The following TTC7A variants were observed in gnomAD, a reference collection of about 807,000 sequenced individuals.
TTC7A encodes the protein tetratricopeptide repeat protein 7A.
Under a neutral mutation model 103.7 loss-of-function variants are expected in TTC7A, and 110 were observed. That is an observed-to-expected ratio of 1.06 (90% CI 0.91 to 1.24). TTC7A has a LOEUF of 1.24. TTC7A is among the 50% of genes most tolerant of loss of function. The pLI is 0.00. For synonymous variants in TTC7A, 521 were observed against 467.9 expected, an observed-to-expected ratio of 1.11 and a Z score of -1.47; for missense variants, 1,340 against 1,116.3, an observed-to-expected ratio of 1.20 and a Z score of -2.86.
At chr2:46,979,264 A>G (rs1357635019) in intron 5 of TTC7A, among the ~76,000 whole-genome samples, 1 of 152,156 alleles carries the variant, frequency 6.6e-6, no homozygotes, top group Admixed American at 6.6e-5. Context: ...GGTTTTGTCT[A>G]CTGTTGTCTG....
At position 46,941,417 on chromosome 2, in the gene TTC7A, C is replaced by A; in HGVS notation, c.-125C>A. On this transcript the variant is annotated 5_prime_UTR_variant, in exon 1 of 20. Coordinates refer to ENST00000319190, the MANE Select transcript of TTC7A (RefSeq NM_020458.4). This position sits in a 1 kb window ranked among gnomAD's most constrained non-coding sequence, Gnocchi z 4.2. ...TCCGCCGCCCGGGCCCCCGCTGCCG[C>A]CCGGGCCCCGGCTGCCGTCTGCGCC... 1 of 1,004,526 alleles carries A rather than the reference C, an allele frequency of 1.0e-6. No homozygotes were observed. The highest frequency in any genetic ancestry group is 1.3e-6 in the Non-Finnish European group (1 of 790,032). The allele number at this position is 1,004,526 out of a possible 1,614,324, so 62.2% of individuals were successfully genotyped here. A position where few individuals can be genotyped will look rare whatever the true frequency, so the allele number is the denominator to read the frequency against.
intron 8 of TTC7A, among the ~76,000 whole-genome samples, chr2:47,000,443 C>T (rs1048300452): frequency 1.3e-5 from 2 of 152,128 alleles, no homozygotes; most frequent in African/African-American, 2.4e-5. Flanking sequence ...GGTGGGAGAG[C>T]CTCTCTCTCT....
chr2:47,020,343 G>A (rs1011833814), intron 11 of TTC7A, among the ~76,000 whole-genome samples: 3 of 152,164 alleles, frequency 2.0e-5, no homozygotes, highest in Non-Finnish European at 4.4e-5. Context: ...CTGCTGCCAC[G>A]TGGCCTAGGA....
chr2:46,937,557 C>T (rs1194811623), upstream of TTC7A, among the ~76,000 whole-genome samples: 1 of 152,156 alleles, frequency 6.6e-6, no homozygotes, highest in Non-Finnish European at 1.5e-5. The surrounding 1 kb of genome is among the most constrained non-coding windows in gnomAD (Gnocchi z 4.0). Flanking sequence ...GCCTCAGAAG[C>T]AAAACATTGG....
Position 47,011,427 on chromosome 2 carries a change from C to A in TTC7A, c.1384C>A (p.Leu462Ile). ...GGCCGCGAAGGTCTGCATCGGGTCC[C>A]TTCGCTGGGTGAGTGAGCTGTGAGG... ...LMAAKVCIGS[L>I]RWLEEAEHFA... The change falls in exon 11 of 20, where the codon CTT becomes ATT. Residue 462 changes from leucine to isoleucine, a missense_variant. Leu to Ile is a conservative substitution (Grantham distance 5, BLOSUM62 2). Transcript: ENST00000319190. The A allele has an allele frequency of 6.2e-7, 1 of 1,605,908 alleles. No individual in the cohort carries two copies. The highest frequency in any genetic ancestry group is 1.1e-5 in the South Asian group (1 of 90,786).
At position 47,024,951 on chromosome 2, in the gene TTC7A, C is replaced by T. The variant is rs995092369; in HGVS notation, c.1641+592C>T. Among the ~76,000 whole-genome samples the T allele has an allele frequency of 6.6e-5, 10 of 152,312 alleles. No individual in the cohort carries two copies. In the East Asian group the frequency reaches 1.7e-3, roughly 26 times the overall value. On this transcript the variant is annotated intron_variant, in intron 14 of 19. Transcript: ENST00000319190. ...CTCCCCACCTCAGGTCCTTCAGAGC[C>T]TCCTTTACTTTCCTGTGGCGCCTCA...
intron 10 of TTC7A, among the ~76,000 whole-genome samples, chr2:47,010,310 C>T (rs949079066): frequency 6.6e-6 from 1 of 152,192 alleles, no homozygotes; most frequent in Non-Finnish European, 1.5e-5. Context: ...ATGTAATGCA[C>T]ATGGCTGTGT....
rs533385450 is a variant in TTC7A, at chr2:47,045,073, C to G, written c.1803-1242C>G. On this transcript the variant is annotated intron_variant, in intron 15 of 19. Transcript: ENST00000319190. ...TCCGGGCAGTGATCAAGTGCAGGCC[C>G]TGACAGTACCGTGGTCTTGCTCATC... Among the ~76,000 whole-genome samples the G allele has an allele frequency of 3.3e-4, 51 of 152,318 alleles. No homozygotes were observed. The South Asian group carries it at 0.01, about 31-fold the overall frequency.
At chr2:47,030,084 A>G (rs964611358) in intron 15 of TTC7A, among the ~76,000 whole-genome samples, 1 of 152,208 alleles carries the variant, frequency 6.6e-6, no homozygotes, top group Non-Finnish European at 1.5e-5. Flanking sequence ...ACTGAGTGTA[A>G]CAGGCTTTGT....
chr2:47,049,799 T>G, intron 16 of TTC7A, 150 bp from the exon 17 acceptor site: 1 of 630,384 alleles, frequency 1.6e-6, no homozygotes, highest in Non-Finnish European at 2.8e-6. Context: ...AGCTCTGTCT[T>G]TGGGCCTGAA....
At chr2:46,964,638 C>T (rs1355104050) in intron 3 of TTC7A, among the ~76,000 whole-genome samples, 2 of 152,182 alleles carry the variant, frequency 1.3e-5, no homozygotes, top group South Asian at 2.1e-4. Flanking sequence ...GGTAACAAAT[C>T]ACCCACTTTT....
At chr2:47,034,568 CCAAA>C (rs1420827012) in intron 15 of TTC7A, among the ~76,000 whole-genome samples, 16 of 152,182 alleles carry the variant, frequency 1.1e-4, no homozygotes, top group South Asian at 2.1e-4. Context: ...ACCATAGTAA[CCAAA>C]CAAAGTTCCT....
chr2:46,962,995 C>T (rs1188243642), intron 3 of TTC7A, among the ~76,000 whole-genome samples: 2 of 152,224 alleles, frequency 1.3e-5, no homozygotes, highest in Admixed American at 1.3e-4. Context: ...GTGTTGACTT[C>T]AAGTCCATGG....
intron 2 of TTC7A, among the ~76,000 whole-genome samples, chr2:46,917,918 C>T (rs1668899496): frequency 6.6e-6 from 1 of 152,230 alleles, no homozygotes; most frequent in Non-Finnish European, 1.5e-5. Context: ...TCTTAATTGG[C>T]TTCTCAATCT....
chr2:47,001,055 C>T (rs1047935705), intron 8 of TTC7A, among the ~76,000 whole-genome samples: 3 of 152,156 alleles, frequency 2.0e-5, no homozygotes, highest in Middle Eastern at 3.2e-3. Context: ...GTCTTGTATG[C>T]ATTGGAAAGC....
At chr2:47,042,735 G>A (rs1681899946) in intron 15 of TTC7A, among the ~76,000 whole-genome samples, 1 of 151,872 alleles carries the variant, frequency 6.6e-6, no homozygotes, top group Admixed American at 6.6e-5. Context: ...AAGTGCTAAT[G>A]GAACACAGTG....
intron 10 of TTC7A, among the ~76,000 whole-genome samples, chr2:47,008,496 A>G (rs764774493): frequency 7.9e-5 from 12 of 152,184 alleles, no homozygotes; most frequent in Non-Finnish European, 1.6e-4. Flanking sequence ...TGGCTCCTTC[A>G]CAGACCAGCA....
chr2:46,994,055 T>C (rs936436947), intron 6 of TTC7A, among the ~76,000 whole-genome samples: 2 of 152,100 alleles, frequency 1.3e-5, no homozygotes, highest in Non-Finnish European at 2.9e-5. Context: ...TGCTGAATAC[T>C]CAGAGTGGGG....
intron 19 of TTC7A, 85 bp downstream of exon 19, chr2:47,061,056 C>G (rs139838584): frequency 1.5e-6 from 2 of 1,359,580 alleles, no homozygotes; most frequent in African/African-American, 2.9e-5. Flanking sequence ...TGTCCCCATA[C>G]TCCACTGCCT....
Sources: gnomAD v4.1 joint callset for allele counts (sites outside exome capture counted in the v4.1 genomes callset) on GRCh38, gnomAD v4.1.1 for gene constraint, Gnocchi (gnomAD v3.1) non-coding constraint, MANE v1.5 for transcripts, NCBI Gene and HGNC (gene_info 2026-07-23, HGNC 2026-07-21) for gene names.